Variants in TSPAN18 observed in about 807,000 individuals in gnomAD.
The protein encoded by TSPAN18 is tetraspanin 18.
Under a neutral mutation model 27.3 loss-of-function variants are expected in TSPAN18, and 14 were observed. The ratio of observed to expected loss-of-function variants is 0.51; its 90% confidence interval spans 0.34 to 0.80. The LOEUF is 0.80. Ranked by LOEUF, TSPAN18 falls within the 30% of genes least tolerant of loss-of-function variation. The probability of loss-of-function intolerance (pLI) is 0.01; values close to 1 mark genes in which losing one functional copy is unlikely to be tolerated. For missense variants in TSPAN18, 268 were observed against 323.9 expected, an observed-to-expected ratio of 0.83 and a Z score of 1.32; for synonymous variants, 143 against 136.5, an observed-to-expected ratio of 1.05 and a Z score of -0.33.
rs1860609275 is a variant in TSPAN18 at position 44,932,290 on chromosome 11, C to CA, written c.*3112_*3113insA. 6.6e-6 allele frequency: 1 copy of CA among 152,106 alleles called. No homozygotes were observed. The highest frequency in any genetic ancestry group is 2.4e-5 in the African/African-American group (1 of 41,428). The allele number at this position is 152,106 out of a possible 1,614,324, so 9.4% of individuals were successfully genotyped here. ...TATCACGTTTCTCTCCTGTGAGACC[C>CA]CCCTTTTATATGATATATCCAGAGG... On this transcript the variant is annotated 3_prime_UTR_variant, in exon 10 of 10. Coordinates refer to ENST00000520358, the MANE Select transcript of TSPAN18 (RefSeq NM_130783.5).
chr11:44,765,798 T>C (rs1855555923), intron 2 of TSPAN18, among the ~76,000 whole-genome samples: 1 of 152,218 alleles, frequency 6.6e-6, no homozygotes, highest in Non-Finnish European at 1.5e-5. Context: ...TGTAAAAACA[T>C]AAAAATGGTT....
At chr11:44,854,203 G>GA (rs1216680032) in intron 2 of TSPAN18, among the ~76,000 whole-genome samples, 4 of 137,684 alleles carry the variant, frequency 2.9e-5, no homozygotes, top group African/African-American at 5.3e-5. Context: ...CAGGGGGTGG[G>GA]GGGGGGGGTT....
At chr11:44,743,090 T>TCTGC (rs910531353) in intron 1 of TSPAN18, among the ~76,000 whole-genome samples, 1 of 152,328 alleles carries the variant, frequency 6.6e-6, no homozygotes, top group Non-Finnish European at 1.5e-5. Flanking sequence ...CTGAGTCACC[T>TCTGC]CTGCCTGCCT....
intron 2 of TSPAN18, among the ~76,000 whole-genome samples, chr11:44,784,812 C>T (rs888570564): frequency 6.6e-6 from 1 of 152,152 alleles, no homozygotes; most frequent in African/African-American, 2.4e-5. Context: ...AATCAAGGCT[C>T]CGGGAGTTAA....
At chr11:44,924,797 A>G (rs1020335375) in intron 8 of TSPAN18, among the ~76,000 whole-genome samples, 4 of 152,346 alleles carry the variant, frequency 2.6e-5, no homozygotes, top group African/African-American at 9.6e-5. Context: ...AATGTAAATG[A>G]CGAGTTAATG....
intron 2 of TSPAN18, among the ~76,000 whole-genome samples, chr11:44,786,367 G>A (rs540297627): frequency 1.3e-5 from 2 of 152,328 alleles, no homozygotes; most frequent in South Asian, 2.1e-4. Context: ...TTCTGGGGCT[G>A]GGGACAGAGG....
At chr11:44,769,299 A>G (rs1855637428) in intron 2 of TSPAN18, among the ~76,000 whole-genome samples, 1 of 152,120 alleles carries the variant, frequency 6.6e-6, no homozygotes, top group African/African-American at 2.4e-5. Context: ...TTAATTTGTT[A>G]ATATTTGTTG....
intron 2 of TSPAN18, among the ~76,000 whole-genome samples, chr11:44,807,476 C>T (rs548714967): frequency 6.7e-5 from 9 of 133,986 alleles, no homozygotes; most frequent in African/African-American, 1.2e-4. Flanking sequence ...TACAGTGAGC[C>T]GAGATTGCAC....
chr11:44,906,268 T>G (rs1859447534), intron 3 of TSPAN18, 139 bp from the exon 4 acceptor site: 1 of 786,854 alleles, frequency 1.3e-6, no homozygotes, highest in Non-Finnish European at 2.2e-6. Flanking sequence ...TCCAGCATGC[T>G]CATCTCTATC....
In TSPAN18 at chr11:44,749,616, C is replaced by T. The variant is rs538463648; in HGVS notation, c.-239-14810C>T. ...TGGTATTCAACTTTACTTGTAGCCA[C>T]AGAACGTGGAACTTTCTTTTTTTTT... On this transcript the variant is annotated intron_variant, in intron 1 of 9. Transcript: ENST00000520358. 4.1e-3 allele frequency among the ~76,000 whole-genome samples: 609 copies of T among 148,912 alleles called. 5 individuals are homozygous for T. The highest frequency in any genetic ancestry group is 0.018 in the South Asian group (87 of 4,712).
At chr11:44,803,218 A>G (rs1377125386) in intron 2 of TSPAN18, among the ~76,000 whole-genome samples, 1 of 152,146 alleles carries the variant, frequency 6.6e-6, no homozygotes, top group Admixed American at 6.5e-5. Flanking sequence ...TCAGAAGACA[A>G]GTCGACAGAG....
intron 8 of TSPAN18, among the ~76,000 whole-genome samples, chr11:44,921,455 T>G (rs4755918): frequency 0.29 from 44,680 of 152,094 alleles, 8,040 homozygotes; most frequent in East Asian, 0.58. Context: ...AGGCTGCACT[T>G]CCCAGCCTGC....
At chr11:44,896,120 G>A (rs1859038328) in intron 3 of TSPAN18, among the ~76,000 whole-genome samples, 1 of 152,102 alleles carries the variant, frequency 6.6e-6, no homozygotes, top group African/African-American at 2.4e-5. Context: ...CTGACTGGGT[G>A]GATTGAGGGA....
intron 5 of TSPAN18, 27 bp downstream of exon 5, chr11:44,909,926 C>T (rs372242468): frequency 6.9e-6 from 11 of 1,589,854 alleles, no homozygotes; most frequent in Non-Finnish European, 8.6e-6. Context: ...CCACCCCATC[C>T]ATGGGTGCTC....
chr11:44,750,298 T>C (rs1003056534), intron 1 of TSPAN18, among the ~76,000 whole-genome samples: 22 of 152,234 alleles, frequency 1.4e-4, no homozygotes, highest in African/African-American at 5.1e-4. Flanking sequence ...CTGACATTTC[T>C]GAATTATTCC....
chr11:44,873,231 C>T (rs1260518900), intron 3 of TSPAN18, among the ~76,000 whole-genome samples: 2 of 152,222 alleles, frequency 1.3e-5, no homozygotes, highest in Non-Finnish European at 2.9e-5. Flanking sequence ...CCCAGCACTT[C>T]GTGGCAACCT....
chr11:44,774,519 G>C (rs1443410156), intron 2 of TSPAN18, among the ~76,000 whole-genome samples: 1 of 152,226 alleles, frequency 6.6e-6, no homozygotes, highest in Non-Finnish European at 1.5e-5. Flanking sequence ...GGAGACCTGG[G>C]GTGACAGAGT....
intron 1 of TSPAN18, among the ~76,000 whole-genome samples, chr11:44,730,913 T>C (rs926839648): frequency 6.6e-6 from 1 of 152,196 alleles, no homozygotes; most frequent in Non-Finnish European, 1.5e-5. Flanking sequence ...CGTGAGCCAC[T>C]GCACTTGGCT....
In TSPAN18 at chr11:44,929,525, C is replaced by T. The variant is rs1037108277; in HGVS notation, c.*347C>T. 7.0e-6 allele frequency: 2 copies of T among 285,870 alleles called. No homozygotes were observed. The highest frequency in any genetic ancestry group is 1.3e-5 in the Non-Finnish European group (2 of 154,162). The allele number at this position is 285,870 out of a possible 1,614,324, so 17.7% of individuals were successfully genotyped here. A position where few individuals can be genotyped will look rare whatever the true frequency, so the allele number is the denominator to read the frequency against. ...CCTGGGCCCTCTCTCCTCACTGCAC[C>T]AGGACCTGATGCCAAGAAAGTGAGG... On this transcript the variant is annotated 3_prime_UTR_variant, in exon 10 of 10. Transcript: ENST00000520358.
Sources: gnomAD v4.1 joint callset for allele counts (sites outside exome capture counted in the v4.1 genomes callset) on GRCh38, gnomAD v4.1.1 for gene constraint, MANE v1.5 for transcripts, NCBI Gene and HGNC (gene_info 2026-07-23, HGNC 2026-07-21) for gene names.